The following ATRNL1 variants were observed in gnomAD, a reference collection of about 807,000 sequenced individuals.
The protein encoded by ATRNL1 is attractin like 1.
A neutral mutation model predicts 182.7 loss-of-function variants in ATRNL1; 95 were observed. The ratio of observed to expected loss-of-function variants is 0.52; its 90% CI spans 0.44 to 0.62. ATRNL1 has a LOEUF of 0.62. ATRNL1 is among the 20% of genes least tolerant of loss of function. ATRNL1 has a pLI of 0.00. For missense variants in ATRNL1, 1,471 were observed against 1,679.5 expected (o/e 0.88, Z 2.17); for synonymous variants, 576 against 568.3 (o/e 1.01, Z -0.19).
intron 26 of ATRNL1, among the ~76,000 whole-genome samples, chr10:115,712,760 C>T (rs1228945759): frequency 6.6e-6 from 1 of 151,560 alleles, no homozygotes; most frequent in Non-Finnish European, 1.5e-5. Context: ...CCCAGCTACT[C>T]AGGAGGCTGA....
intron 27 of ATRNL1, among the ~76,000 whole-genome samples, chr10:115,808,604 A>G (rs1593243849): frequency 6.6e-6 from 1 of 152,130 alleles, no homozygotes; most frequent in African/African-American, 2.4e-5. Flanking sequence ...GAAACTGCCA[A>G]ACTGTTCTCA....
chr10:115,506,390 A>T (rs76012057), intron 24 of ATRNL1, among the ~76,000 whole-genome samples: 4,777 of 152,250 alleles, frequency 0.031, 244 homozygotes, highest in African/African-American at 0.11. Flanking sequence ...TGATTACTGA[A>T]TATTGTAATG....
In ATRNL1 at chr10:115,868,822, C is replaced by CTTTTTT. The variant is rs67676674; in HGVS notation, c.4018+20851_4018+20856dup. On this transcript the variant is annotated intron_variant, in intron 28 of 28. Transcript: ENST00000355044. Reference sequence around the variant, plus strand: ...ATATATCTGGTGGCAAGTCTTTATTCTTTTTTTTTTTTTTTTTTTTTTTTT... The same window carrying CTTTTTT: ...ATATATCTGGTGGCAAGTCTTTATTCTTTTTTTTTTTTTTTTTTTTTTTTTTTTTTT... Among the ~76,000 whole-genome samples the CTTTTTT allele has an allele frequency of 7.0e-3, 409 of 58,068 alleles. 64 individuals are homozygous for CTTTTTT. The highest frequency in any genetic ancestry group is 0.024 in the African/African-American group (392 of 16,642). The allele number at this position is 58,068 out of a possible 152,430, so 38.1% of individuals were successfully genotyped here. A position where few individuals can be genotyped will look rare whatever the true frequency, so the allele number is the denominator to read the frequency against.
intron 19 of ATRNL1, among the ~76,000 whole-genome samples, chr10:115,394,197 T>A (rs2134278629): frequency 6.6e-6 from 1 of 152,170 alleles, no homozygotes; most frequent in East Asian, 1.9e-4. Flanking sequence ...TTCACATCAA[T>A]CCTGGAAGCT....
At chr10:115,554,953 C>T (rs1487377487) in intron 26 of ATRNL1, among the ~76,000 whole-genome samples, 1 of 151,744 alleles carries the variant, frequency 6.6e-6, no homozygotes, top group African/African-American at 2.4e-5. Flanking sequence ...TGTAGTCTCG[C>T]TAACCACAAA....
At chr10:115,274,669 G>A (rs545467905) in intron 13 of ATRNL1, among the ~76,000 whole-genome samples, 1 of 152,316 alleles carries the variant, frequency 6.6e-6, no homozygotes, top group African/African-American at 2.4e-5. Flanking sequence ...TCAGAACTAA[G>A]TTATTAAATA....
At chr10:115,458,892 C>G (rs560878112) in intron 21 of ATRNL1, among the ~76,000 whole-genome samples, 2 of 152,246 alleles carry the variant, frequency 1.3e-5, no homozygotes, top group South Asian at 4.1e-4. Context: ...TGCAGCCCTA[C>G]TTTTTGTTGT....
chr10:115,412,858 G>A (rs940013791), intron 20 of ATRNL1, among the ~76,000 whole-genome samples: 31 of 152,154 alleles, frequency 2.0e-4, no homozygotes, highest in African/African-American at 7.5e-4. Flanking sequence ...CCTTAATAAG[G>A]TATTTGTAAT....
intron 24 of ATRNL1, among the ~76,000 whole-genome samples, chr10:115,506,964 A>G (rs1850145946): frequency 6.6e-6 from 1 of 152,230 alleles, no homozygotes; most frequent in African/African-American, 2.4e-5. Context: ...GGAAGTTTTG[A>G]TGACATGTGC....
At chr10:115,281,555 T>G (rs1852362439) in intron 14 of ATRNL1, 68 bp downstream of exon 14, 1 of 1,462,926 alleles carries the variant, frequency 6.8e-7, no homozygotes, top group East Asian at 2.3e-5. Context: ...GAAAAGTACA[T>G]TTAGTAAGGA....
intron 9 of ATRNL1, among the ~76,000 whole-genome samples, chr10:115,218,439 G>A (rs966741726): frequency 1.3e-5 from 2 of 152,164 alleles, no homozygotes; most frequent in Non-Finnish European, 2.9e-5. Flanking sequence ...GCGATCTCAT[G>A]CAGTTGATCC....
intron 16 of ATRNL1, 23 bp from the exon 17 acceptor site, chr10:115,301,832 T>C (rs1853484069): frequency 6.4e-7 from 1 of 1,553,098 alleles, no homozygotes; most frequent in East Asian, 2.3e-5. Flanking sequence ...AATGAAATTA[T>C]TGTATTTGTT....
intron 26 of ATRNL1, among the ~76,000 whole-genome samples, chr10:115,658,090 C>CTTTT (rs71010038): frequency 2.9e-4 from 26 of 90,298 alleles, no homozygotes; most frequent in South Asian, 4.5e-4. Flanking sequence ...AATTTTTTTC[C>CTTTT]TTTTTTTTTT....
chr10:115,898,902 C>G (rs906588715), intron 28 of ATRNL1, among the ~76,000 whole-genome samples: 2 of 152,094 alleles, frequency 1.3e-5, no homozygotes, highest in Non-Finnish European at 2.9e-5. Context: ...AGCAGCAAAA[C>G]AGAATACATA....
chr10:115,260,386 G>T (rs990850496), intron 10 of ATRNL1, among the ~76,000 whole-genome samples: 1 of 152,184 alleles, frequency 6.6e-6, no homozygotes, highest in South Asian at 2.1e-4. Context: ...ATTATCTGAA[G>T]AAATCTGACC....
At chr10:115,478,578 A>G (rs149156336) in intron 24 of ATRNL1, among the ~76,000 whole-genome samples, 205 of 151,822 alleles carry the variant, frequency 1.4e-3, no homozygotes, top group African/African-American at 4.6e-3. Context: ...TTCAATAATC[A>G]TAGGAGTGAC....
At chr10:115,589,641 A>G (rs1473138180) in intron 26 of ATRNL1, among the ~76,000 whole-genome samples, 1 of 152,160 alleles carries the variant, frequency 6.6e-6, no homozygotes, top group Non-Finnish European at 1.5e-5. Flanking sequence ...CTAGATCATG[A>G]TACATACTTA....
At chr10:115,291,807 T>TA (rs1554920906) in intron 15 of ATRNL1, among the ~76,000 whole-genome samples, 1 of 147,748 alleles carries the variant, frequency 6.8e-6, no homozygotes, top group African/African-American at 2.5e-5. Flanking sequence ...TATTGGCCTC[T>TA]AGGTTTTTTT....
At chr10:115,282,172 A>C (rs1554917135) in intron 14 of ATRNL1, among the ~76,000 whole-genome samples, 1 of 146,440 alleles carries the variant, frequency 6.8e-6, no homozygotes, top group Non-Finnish European at 1.5e-5. Flanking sequence ...TACATTTATA[A>C]TATATAATAT....
Sources: allele counts gnomAD v4.1 joint callset (sites outside exome capture counted in the v4.1 genomes callset), GRCh38; gene constraint gnomAD v4.1.1; transcripts MANE v1.5; gene names NCBI Gene and HGNC (gene_info 2026-07-23, HGNC 2026-07-21).